The following BCL7C variants were observed in gnomAD, a reference collection of about 807,000 sequenced individuals.
BCL7C encodes the protein B-cell CLL/lymphoma 7 protein family member C.
A neutral mutation model predicts 26.2 loss-of-function variants in BCL7C; 8 were observed. That is an observed-to-expected ratio of 0.30 (90% CI 0.18 to 0.55). The LOEUF is 0.55. BCL7C is among the 20% of genes least tolerant of loss of function. The probability of loss-of-function intolerance (pLI) is 0.93; values close to 1 mark genes in which losing one functional copy is unlikely to be tolerated. For synonymous variants in BCL7C, 90 were observed against 116.5 expected, an observed-to-expected ratio of 0.77 and a Z score of 1.47; for missense variants, 262 against 298.5, an observed-to-expected ratio of 0.88 and a Z score of 0.90.
Position 30,893,856 on chromosome 16 carries a change from C to G in BCL7C, c.89G>C (p.Arg30Thr), listed in dbSNP as rs1213225291. The change falls in exon 1 of 6, where the codon AGA becomes ACA. Residue 30 changes from arginine to threonine, a missense_variant. Arg to Thr is a moderately conservative substitution (Grantham distance 71). Coordinates refer to ENST00000215115, the MANE Select transcript of BCL7C (RefSeq NM_004765.4). The surrounding 1 kb of genome is among the most constrained non-coding windows in gnomAD (Gnocchi z 5.2). ...KVMATIEKVR[R>T]WEKRWVTVGD... Reference sequence around the variant, plus strand: ...CTGGCCCCCGAGCAGCGCTCACCATCTCCGGACCTTCTCGATGGTCGCCAT... The same window carrying G: ...CTGGCCCCCGAGCAGCGCTCACCATGTCCGGACCTTCTCGATGGTCGCCAT... The G allele has an allele frequency of 6.2e-7, 1 of 1,601,910 alleles. No individual in the cohort carries two copies. The highest frequency in any genetic ancestry group is 2.1e-4 in the Middle Eastern group (1 of 4,824).
At chr16:30,868,817 G>T (rs1431326339) in intron 5 of BCL7C, among the ~76,000 whole-genome samples, 1 of 149,498 alleles carries the variant, frequency 6.7e-6, no homozygotes, top group African/African-American at 2.5e-5. Context: ...CAACAACAAA[G>T]AAAAAGAACA....
At chr16:30,835,033 A>G (rs772395796) in exon 6 of BCL7C, 6 of 1,549,646 alleles carry the variant, frequency 3.9e-6, no homozygotes, top group East Asian at 2.4e-5. Context: ...CGGCACCGCC[A>G]TGGAACTGGG....
intron 5 of BCL7C, among the ~76,000 whole-genome samples, chr16:30,874,794 T>C (rs2054921772): frequency 6.6e-6 from 1 of 152,106 alleles, no homozygotes; most frequent in Admixed American, 6.5e-5. Flanking sequence ...CCAGACTGTT[T>C]TTCTGTCTGT....
At chr16:30,856,810 C>T (rs1278168211) in intron 5 of BCL7C, among the ~76,000 whole-genome samples, 4 of 152,284 alleles carry the variant, frequency 2.6e-5, no homozygotes, top group East Asian at 1.9e-4. Context: ...GAGGTGAGAG[C>T]GTAGGGACTT....
intron 5 of BCL7C, among the ~76,000 whole-genome samples, chr16:30,836,296 C>A (rs1019458671): frequency 3.3e-5 from 5 of 151,916 alleles, no homozygotes; most frequent in African/African-American, 1.2e-4. Context: ...AGCGAGATTC[C>A]ATCTTTACAA....
chr16:30,874,408 G>C (rs1017982246), intron 5 of BCL7C, among the ~76,000 whole-genome samples: 6 of 152,092 alleles, frequency 3.9e-5, no homozygotes, highest in African/African-American at 1.4e-4. Context: ...CTTGAGCCCA[G>C]GAGTTCCAGA....
chr16:30,874,740 C>A (rs1307502100), intron 5 of BCL7C, among the ~76,000 whole-genome samples: 1 of 152,200 alleles, frequency 6.6e-6, no homozygotes, highest in Non-Finnish European at 1.5e-5. Context: ...TCTATCCTTC[C>A]CGACTGAGCC....
downstream of BCL7C, among the ~76,000 whole-genome samples, chr16:30,887,512 G>A (rs1192350832): frequency 6.7e-6 from 1 of 150,282 alleles, no homozygotes; most frequent in Non-Finnish European, 1.5e-5. Context: ...TCATGGCCTA[G>A]CTACCCAGAG....
intron 4 of BCL7C, among the ~76,000 whole-genome samples, chr16:30,891,943 G>T (rs1280213600): frequency 7.0e-6 from 1 of 143,070 alleles, no homozygotes; most frequent in African/African-American, 2.6e-5. Flanking sequence ...CAGCGTGGGT[G>T]ACAGAGACCT....
At chr16:30,867,324 A>G (rs993741243) in intron 5 of BCL7C, among the ~76,000 whole-genome samples, 2 of 152,188 alleles carry the variant, frequency 1.3e-5, no homozygotes, top group African/African-American at 4.8e-5. Flanking sequence ...ATATTTATGT[A>G]TATGGATGTT....
At chr16:30,859,870 C>G (rs548214673) in intron 5 of BCL7C, among the ~76,000 whole-genome samples, 1 of 152,212 alleles carries the variant, frequency 6.6e-6, no homozygotes, top group East Asian at 1.9e-4. Flanking sequence ...CACACAAATG[C>G]ACATGACATT....
intron 5 of BCL7C, among the ~76,000 whole-genome samples, chr16:30,844,347 T>A: frequency 7.7e-5 from 1 of 12,978 alleles, no homozygotes; most frequent in South Asian, 4.2e-3. Context: ...AGACTCCGTC[T>A]CAAAAAAAAA....
chr16:30,859,057 T>C (rs1223914730), intron 5 of BCL7C, among the ~76,000 whole-genome samples: 2 of 152,164 alleles, frequency 1.3e-5, no homozygotes, highest in African/African-American at 2.4e-5. Flanking sequence ...ACCAGTGTAA[T>C]TGCCTGATCA....
chr16:30,859,143 T>G (rs2054749117), intron 5 of BCL7C, among the ~76,000 whole-genome samples: 1 of 152,240 alleles, frequency 6.6e-6, no homozygotes, highest in Non-Finnish European at 1.5e-5. Context: ...GGGATTTCCT[T>G]AAGAAAATTC....
In BCL7C at chr16:30,887,902, G is replaced by A. The variant is rs150838242; in HGVS notation, c.617C>T (p.Pro206Leu). The A allele has an allele frequency of 4.4e-6, 7 of 1,600,132 alleles. No homozygotes were observed. Among genetic ancestry groups the A allele is most frequent in the Non-Finnish European group, 5.1e-6 (6 of 1,174,142 alleles). Reference sequence around the variant, plus strand: ...GGCATTTGGGCAGATGCGCTTGAGTGGGGGGGCACCCTCCGAGTCCTCTGT... The same window carrying A: ...GGCATTTGGGCAGATGCGCTTGAGTAGGGGGGCACCCTCCGAGTCCTCTGT... Reference protein sequence around the residue: ...GDTEDSEGAPPLKRICPNAPD... With the variant: ...GDTEDSEGAPLLKRICPNAPD... Residue 206 changes from proline to leucine, a missense_variant, in exon 6 of 6, where the codon CCA becomes CTA. Coordinates refer to ENST00000215115, the MANE Select transcript of BCL7C (RefSeq NM_004765.4).
At chr16:30,882,311 T>C (rs2055055810) in intron 5 of BCL7C, among the ~76,000 whole-genome samples, 1 of 152,142 alleles carries the variant, frequency 6.6e-6, no homozygotes, top group South Asian at 2.1e-4. Flanking sequence ...AAACAGTAAG[T>C]ACACAATAAG....
At position 30,834,811 on chromosome 16, in the gene BCL7C, G is replaced by C. The variant is rs1596804843; in HGVS notation, c.*137C>G. On this transcript the variant is annotated 3_prime_UTR_variant, in exon 6 of 6. Transcript: ENST00000380317. This position sits in a 1 kb window ranked among gnomAD's most constrained non-coding sequence, Gnocchi z 4.3. ...GCTGTGGCCTTAGGTTCGGGCAGGT[G>C]TGGGGCCGCTCGCCCTCCGATGTTA... 10 of 860,286 alleles carry C rather than the reference G, an allele frequency of 1.2e-5. No homozygotes were observed. The East Asian group carries it at 2.8e-4, about 24-fold the overall frequency. The allele number at this position is 860,286 out of a possible 1,614,324, so 53.3% of individuals were successfully genotyped here.
At chr16:30,840,989 A>G (rs891450909) in intron 5 of BCL7C, among the ~76,000 whole-genome samples, 2 of 152,110 alleles carry the variant, frequency 1.3e-5, no homozygotes, top group Non-Finnish European at 2.9e-5. Flanking sequence ...CAGCCAAACC[A>G]TATCAAAGAC....
Position 30,834,564 on chromosome 16 carries a change from G to A in BCL7C, c.*384C>T, listed in dbSNP as rs1380192140. 1 of 161,026 alleles carries A rather than the reference G, an allele frequency of 6.2e-6. No individual in the cohort carries two copies. The highest frequency in any genetic ancestry group is 1.8e-4 in the East Asian group (1 of 5,558). The allele number at this position is 161,026 out of a possible 1,614,324, so 10.0% of individuals were successfully genotyped here. A position where few individuals can be genotyped will look rare whatever the true frequency, so the allele number is the denominator to read the frequency against. ...TGGACCCGGAGGCTCAGTGCCGGCA[G>A]GACTCGGGACTCGGCGCCTCTCCCG... On this transcript the variant is annotated 3_prime_UTR_variant, in exon 6 of 6. Transcript: ENST00000380317. The surrounding 1 kb of genome is among the most constrained non-coding windows in gnomAD (Gnocchi z 4.3).
Sources: allele counts gnomAD v4.1 joint callset (sites outside exome capture counted in the v4.1 genomes callset), GRCh38; gene constraint gnomAD v4.1.1; non-coding constraint Gnocchi (gnomAD v3.1); transcripts MANE v1.5; gene names NCBI Gene and HGNC (gene_info 2026-07-23, HGNC 2026-07-21).